The following LMF1 variants were observed in gnomAD, a reference collection of about 807,000 sequenced individuals.
LMF1 encodes the protein transmembrane protein 112.
In LMF1, 68 loss-of-function variants were observed where a neutral mutation model predicts 60.6. The observed-to-expected ratio is 1.12, with a 90% confidence interval of 0.92 to 1.37. The LOEUF is 1.37. Among genes scored for constraint, LMF1 ranks in the 40% most tolerant of loss-of-function variants. LMF1 has a pLI of 0.00. For missense variants in LMF1, 948 were observed against 767.2 expected (o/e 1.24, Z -2.78); for synonymous variants, 418 against 324.7 (o/e 1.29, Z -3.09).
intron 4 of LMF1, among the ~76,000 whole-genome samples, chr16:896,750 T>C (rs776412567): frequency 1.3e-5 from 2 of 152,162 alleles, no homozygotes; most frequent in Non-Finnish European, 2.9e-5. Flanking sequence ...TGGAACTCTA[T>C]GGAGATTCAA....
At chr16:858,552 CTCGGG>C (rs2069290935) in intron 10 of LMF1, among the ~76,000 whole-genome samples, 1 of 41,538 alleles carries the variant, frequency 2.4e-5, no homozygotes, top group Non-Finnish European at 4.6e-5. Flanking sequence ...GCAGTGGTGT[CTCGGG>C]ACGGGTGTGA....
At chr16:976,995 T>C (rs2073167101) in intron 1 of LMF1, 1 of 453,402 alleles carries the variant, frequency 2.2e-6, no homozygotes, top group Non-Finnish European at 4.4e-6. Flanking sequence ...TCCGTGGAGG[T>C]CGGGGGCATC....
chr16:935,571 T>TAAAA lies in LMF1; in HGVS notation c.504-1321_504-1318dup, dbSNP rs10674839. ...CTAACACTAGTGACAGCTGATGAGC[T>TAAAA]AAAAAAAAAAAAACTCATAATGTTT... is the stretch of plus-strand genomic sequence containing the variant. On this transcript the variant is annotated intron_variant, in intron 2 of 10. Coordinates refer to ENST00000262301, the MANE Select transcript of LMF1 (RefSeq NM_022773.4). 1.0e-3 allele frequency among the ~76,000 whole-genome samples: 142 copies of TAAAA among 142,410 alleles called. 2 individuals are homozygous for TAAAA. Among genetic ancestry groups the TAAAA allele is most frequent in the African/African-American group, 3.4e-3 (127 of 37,880 alleles). 93.4% of individuals were successfully genotyped at this position (142,410 alleles called of 152,430 possible).
At chr16:960,404 CAGACTCACGG>C (rs2072802678) in intron 1 of LMF1, among the ~76,000 whole-genome samples, 1 of 83,710 alleles carries the variant, frequency 1.2e-5, no homozygotes, top group Admixed American at 1.3e-4. Flanking sequence ...GACCCAGACA[CAGACTCACGG>C]TGACAGCACG....
At position 857,377 on chromosome 16, in the gene LMF1, G is replaced by A. The variant is rs116733959; in HGVS notation, c.1530-2671C>T. ...AGTGACTCGATTTCTTGGTATCTTTGCCAGCATGTGGGGTTGTTGCTACTT... is the reference window on the plus strand; with the variant it reads ...AGTGACTCGATTTCTTGGTATCTTTACCAGCATGTGGGGTTGTTGCTACTT... On this transcript the variant is annotated intron_variant, in intron 10 of 10. Transcript: ENST00000262301. 6.9e-3 allele frequency among the ~76,000 whole-genome samples: 1,050 copies of A among 152,288 alleles called. 6 individuals carry two copies. The highest frequency in any genetic ancestry group is 0.024 in the African/African-American group (998 of 41,530).
intron 2 of LMF1, among the ~76,000 whole-genome samples, chr16:946,434 A>G (rs1405385364): frequency 6.6e-6 from 1 of 152,212 alleles, no homozygotes; most frequent in Non-Finnish European, 1.5e-5. Flanking sequence ...GAGGGGGACA[A>G]GCCTCTGCAG....
chr16:956,898 T>C (rs1476609458), intron 1 of LMF1, among the ~76,000 whole-genome samples: 2 of 149,562 alleles, frequency 1.3e-5, no homozygotes, highest in Non-Finnish European at 2.9e-5. Context: ...CTCACGCCTG[T>C]AATTCCAGCA....
chr16:855,035 T>A, intron 10 of LMF1: 1 of 427,182 alleles, frequency 2.3e-6, no homozygotes, highest in Non-Finnish European at 4.4e-6. Context: ...TGAGCAAGCC[T>A]GAGACCGTTC....
intron 2 of LMF1, among the ~76,000 whole-genome samples, chr16:943,418 G>A (rs2072158709): frequency 6.7e-6 from 1 of 148,508 alleles, no homozygotes; most frequent in Non-Finnish European, 1.5e-5. Flanking sequence ...AATTTCCCAT[G>A]TGTTCATTCA....
chr16:869,249 T>A, intron 9 of LMF1, 193 bp from the exon 10 acceptor site: 1 of 665,286 alleles, frequency 1.5e-6, no homozygotes, highest in East Asian at 2.7e-5. Flanking sequence ...TGACCACTCA[T>A]TCCCATGTCG....
At chr16:870,114 G>C (rs763682694) in intron 8 of LMF1, 48 bp from the exon 9 acceptor site, 8 of 1,573,094 alleles carry the variant, frequency 5.1e-6, no homozygotes, top group Non-Finnish European at 6.9e-6. Context: ...CACCGGCTGG[G>C]CCGAGTGGGG....
intron 1 of LMF1, chr16:980,077 G>T (rs1218241603): frequency 6.7e-6 from 2 of 300,218 alleles, no homozygotes; most frequent in Non-Finnish European, 1.3e-5. Flanking sequence ...TACGATGCGT[G>T]GAGCCTCCCA....
intron 3 of LMF1, among the ~76,000 whole-genome samples, chr16:916,176 G>A (rs1002536063): frequency 6.6e-6 from 1 of 152,190 alleles, no homozygotes; most frequent in Admixed American, 6.5e-5. Context: ...GCCAGCTGAG[G>A]CCTCATTAAC....
chr16:935,802 TCCCTACATCGTC>T (rs2071925716), intron 2 of LMF1, among the ~76,000 whole-genome samples: 1 of 152,188 alleles, frequency 6.6e-6, no homozygotes, highest in Non-Finnish European at 1.5e-5. Context: ...ATCCCAGGGC[TCCCTACATCGTC>T]CGACCTTTGA....
intron 4 of LMF1, among the ~76,000 whole-genome samples, chr16:909,033 C>T (rs2071038821): frequency 6.6e-6 from 1 of 152,184 alleles, no homozygotes; most frequent in African/African-American, 2.4e-5. Context: ...CCTGCTAGTG[C>T]AGCTGAGCCT....
chr16:879,200 G>A (rs964445130), intron 6 of LMF1, among the ~76,000 whole-genome samples: 2 of 150,750 alleles, frequency 1.3e-5, no homozygotes, highest in African/African-American at 5.0e-5. Flanking sequence ...CACTTGAAAG[G>A]AAACCTCTAG....
intron 6 of LMF1, among the ~76,000 whole-genome samples, chr16:875,358 C>T (rs192707557): frequency 4.6e-4 from 70 of 152,210 alleles, no homozygotes; most frequent in African/African-American, 1.6e-3. Flanking sequence ...CACCAGGGCC[C>T]GTTGGTCCAA....
intron 1 of LMF1, chr16:980,663 C>T (rs1162701191): frequency 2.6e-5 from 4 of 151,084 alleles, no homozygotes; most frequent in Admixed American, 2.6e-4. Flanking sequence ...GGATCCGAGC[C>T]ACCCTCGGGG....
intron 3 of LMF1, among the ~76,000 whole-genome samples, chr16:927,308 G>A (rs1007804974): frequency 3.3e-5 from 5 of 152,178 alleles, no homozygotes; most frequent in South Asian, 4.1e-4. Flanking sequence ...CCAGAGACAC[G>A]CAGGACCACA....
Sources: gnomAD v4.1 joint callset for allele counts (sites outside exome capture counted in the v4.1 genomes callset) on GRCh38, gnomAD v4.1.1 for gene constraint, MANE v1.5 for transcripts, NCBI Gene and HGNC (gene_info 2026-07-23, HGNC 2026-07-21) for gene names.